The following ANAPC1 variants were observed in gnomAD, a reference collection of about 807,000 sequenced individuals.
ANAPC1 encodes the protein anaphase promoting complex subunit 1.
A neutral mutation model predicts 208.0 loss-of-function variants in ANAPC1; 36 were observed. The observed-to-expected ratio is 0.17, with a 90% CI of 0.13 to 0.23. ANAPC1 has a LOEUF of 0.23. Ranked by LOEUF, ANAPC1 falls within the 10% of genes least tolerant of loss-of-function variation. The pLI, the probability that ANAPC1 is intolerant of heterozygous loss-of-function variation, is 1.00. For synonymous variants in ANAPC1, 378 were observed against 695.2 expected (o/e 0.54, Z 7.18); for missense variants, 942 against 2,011.6 (o/e 0.47, Z 10.17).
At chr2:111,840,156 C>T (rs1425582627) in intron 17 of ANAPC1, among the ~76,000 whole-genome samples, 1 of 151,952 alleles carries the variant, frequency 6.6e-6, no homozygotes, top group Non-Finnish European at 1.5e-5. Flanking sequence ...CTACAATGTA[C>T]AGTCCAGTGC....
chr2:111,858,258 C>T, intron 11 of ANAPC1, 48 bp downstream of exon 11: 2 of 1,377,356 alleles, frequency 1.5e-6, no homozygotes, highest in African/African-American at 1.5e-5. Context: ...AAAGAAAAAG[C>T]AGTGCTAAGT....
intron 17 of ANAPC1, among the ~76,000 whole-genome samples, chr2:111,842,697 G>T (rs547449036): frequency 1.3e-5 from 2 of 151,866 alleles, no homozygotes; most frequent in Non-Finnish European, 2.9e-5. Flanking sequence ...ATATAGAATG[G>T]TACAGCTGAG....
At chr2:111,850,441 C>T (rs1166473856) in intron 14 of ANAPC1, among the ~76,000 whole-genome samples, 1 of 152,112 alleles carries the variant, frequency 6.6e-6, no homozygotes. Flanking sequence ...GTTATCTTCC[C>T]ATCAGTCAAT....
Position 111,877,857 on chromosome 2 carries a change from T to C in ANAPC1, c.375+953A>G, listed in dbSNP as rs578033381. Among the ~76,000 whole-genome samples, 13 of 152,268 alleles carry C rather than the reference T, an allele frequency of 8.5e-5. No homozygotes were observed. In the South Asian group the frequency reaches 2.3e-3, roughly 27 times the overall value. ...CCATTCCTAGCTATCTATTTCCTTA[T>C]CTCATGGTATTTTAAAATATAATTC... On this transcript the variant is annotated intron_variant, in intron 3 of 47. Coordinates refer to ENST00000341068, the MANE Select transcript of ANAPC1 (RefSeq NM_022662.4).
intron 1 of ANAPC1, among the ~76,000 whole-genome samples, chr2:111,881,701 G>A (rs1683306667): frequency 6.6e-6 from 1 of 152,178 alleles, no homozygotes; most frequent in Admixed American, 6.5e-5. Context: ...TCCTGTACCT[G>A]TTTATATATA....
rs17017209 is a variant in ANAPC1, at chr2:111,879,141, T to C, written c.214-170A>G. Reference sequence around the variant, plus strand: ...TGGATATATGCATTACACTACAGAATTACATGAAGAATTTACTCAATAATT... The same window carrying C: ...TGGATATATGCATTACACTACAGAACTACATGAAGAATTTACTCAATAATT... On this transcript the variant is annotated intron_variant, in intron 2 of 47. Coordinates refer to ENST00000341068, the MANE Select transcript of ANAPC1 (RefSeq NM_022662.4). Among the ~76,000 whole-genome samples, 5,223 of 152,296 alleles carry C rather than the reference T, an allele frequency of 0.034. 196 individuals are homozygous for C. The highest frequency in any genetic ancestry group is 0.086 in the African/African-American group (3,589 of 41,550).
In ANAPC1 at chr2:111,767,719, A is replaced by T. The variant is rs1287158320; in HGVS notation, c.*1572T>A. 7.2e-6 allele frequency: 1 copy of T among 139,292 alleles called. No homozygotes were observed. The highest frequency in any genetic ancestry group is 1.5e-5 in the Non-Finnish European group (1 of 64,564). 8.6% of individuals were successfully genotyped at this position (139,292 alleles called of 1,614,324 possible). ...AGTGAAGACAGTAACAACTGGTTTGATATTGAATTTTTAAAATCTTGATTC... is the reference window on the plus strand; with the variant it reads ...AGTGAAGACAGTAACAACTGGTTTGTTATTGAATTTTTAAAATCTTGATTC... On this transcript the variant is annotated 3_prime_UTR_variant, in exon 48 of 48. Coordinates refer to ENST00000341068, the MANE Select transcript of ANAPC1 (RefSeq NM_022662.4).
In ANAPC1 at chr2:111,833,210, G is replaced by C. The variant is rs751639009; in HGVS notation, c.2476+10C>G. ...CTGTTTAGAAAATATTTAAAAGCAC[G>C]ACTACTTACCTGGATCAATTGTGCA... On this transcript the variant is annotated intron_variant, in intron 20 of 47. Transcript: ENST00000341068. 1.9e-5 allele frequency: 30 copies of C among 1,575,176 alleles called. No homozygotes were observed. The Admixed American group carries it at 5.2e-4, about 27-fold the overall frequency.
Position 111,834,630 on chromosome 2 carries a change from A to G in ANAPC1, c.2358T>C (p.Leu786=), listed in dbSNP as rs2685980. The G allele has an allele frequency of 8.7e-6, 14 of 1,605,854 alleles. No homozygotes were observed. Among genetic ancestry groups the G allele is most frequent in the Admixed American group, 1.7e-5 (1 of 58,774 alleles). Residue 786 remains leucine (L), a synonymous_variant, in exon 19 of 48, where the codon CTT becomes CTC. Coordinates refer to ENST00000341068, the MANE Select transcript of ANAPC1 (RefSeq NM_022662.4). ...NTLMGEGICS[L]VELLVQLARD... is the part of the protein sequence containing the mutation. ...TTGCCAACTGAACGAGAAGTTCAAC[A>G]AGTGAACAAATTCCTTCTCCCATTA...
chr2:111,832,958 C>CAAAAAAAAAA (rs1573419308), intron 20 of ANAPC1, among the ~76,000 whole-genome samples: 1 of 60,252 alleles, frequency 1.7e-5, no homozygotes, highest in African/African-American at 4.9e-5. Context: ...AAAAAAAAAG[C>CAAAAAAAAAA]ATCCTTGACC....
At chr2:111,789,215 C>T (rs1043741348) in intron 38 of ANAPC1, among the ~76,000 whole-genome samples, 9 of 151,468 alleles carry the variant, frequency 5.9e-5, no homozygotes, top group Non-Finnish European at 1.3e-4. Context: ...CAATATGATA[C>T]ACTTTTAAGA....
At chr2:111,821,205 C>T (rs2104429021) in intron 26 of ANAPC1, 34 bp downstream of exon 26, 1 of 1,597,304 alleles carries the variant, frequency 6.3e-7, no homozygotes, top group Non-Finnish European at 8.6e-7. Context: ...AACAATGAAA[C>T]ATGACAAGAG....
At chr2:111,848,893 CT>C (rs1681238062) in intron 14 of ANAPC1, among the ~76,000 whole-genome samples, 1 of 152,104 alleles carries the variant, frequency 6.6e-6, no homozygotes, top group African/African-American at 2.4e-5. Context: ...GGTATTTCCC[CT>C]ATAGGCAATT....
intron 7 of ANAPC1, among the ~76,000 whole-genome samples, chr2:111,866,891 T>G (rs1486973453): frequency 6.6e-6 from 1 of 151,814 alleles, no homozygotes; most frequent in Non-Finnish European, 1.5e-5. Context: ...AACATAAAAT[T>G]TGAACTTTTT....
intron 6 of ANAPC1, among the ~76,000 whole-genome samples, chr2:111,872,095 T>C (rs150437347): frequency 0.033 from 5,094 of 152,274 alleles, 179 homozygotes; most frequent in African/African-American, 0.084. Context: ...TGCTTTCAAC[T>C]TTTCCCCATT....
chr2:111,862,891 AT>A (rs1682156264), intron 9 of ANAPC1, among the ~76,000 whole-genome samples: 1 of 152,080 alleles, frequency 6.6e-6, no homozygotes, highest in Non-Finnish European at 1.5e-5. Flanking sequence ...GCTCTAAACT[AT>A]GTCCCTGTAT....
intron 19 of ANAPC1, among the ~76,000 whole-genome samples, chr2:111,833,887 G>A (rs1234731419): frequency 1.3e-5 from 2 of 152,076 alleles, no homozygotes; most frequent in African/African-American, 4.8e-5. Context: ...ATTAGAAAAT[G>A]TACTATGTCT....
At chr2:111,773,446 G>C (rs1244454679) in intron 46 of ANAPC1, among the ~76,000 whole-genome samples, 4 of 152,122 alleles carry the variant, frequency 2.6e-5, no homozygotes, top group South Asian at 2.1e-4. Context: ...GACCCTTTAC[G>C]TGCCTTACCT....
intron 37 of ANAPC1, 128 bp from the exon 38 acceptor site, chr2:111,792,683 T>C (rs1677940577): frequency 1.5e-6 from 1 of 658,802 alleles, no homozygotes; most frequent in South Asian, 2.0e-5. Context: ...CTGGGCACTG[T>C]GGCTCACGCC....
Sources: allele counts gnomAD v4.1 joint callset (sites outside exome capture counted in the v4.1 genomes callset), GRCh38; gene constraint gnomAD v4.1.1; transcripts MANE v1.5; gene names NCBI Gene and HGNC (gene_info 2026-07-23, HGNC 2026-07-21).